Variants in SEMA5B observed in about 807,000 individuals in gnomAD.
SEMA5B encodes the protein semaphorin 5B.
Under a neutral mutation model 135.0 loss-of-function variants are expected in SEMA5B, and 66 were observed. That is an observed-to-expected ratio of 0.49 (90% CI 0.40 to 0.60). The LOEUF (loss-of-function observed/expected upper bound fraction) is 0.60, where lower values mean the gene tolerates loss of function less well. SEMA5B is among the 20% of genes least tolerant of loss of function. SEMA5B has a pLI of 0.00. For missense variants in SEMA5B, 1,501 were observed against 1,566.3 expected, an observed-to-expected ratio of 0.96 and a Z score of 0.70; for synonymous variants, 690 against 639.5, an observed-to-expected ratio of 1.08 and a Z score of -1.19.
intron 1 of SEMA5B, among the ~76,000 whole-genome samples, chr3:122,966,857 C>CTATTAT (rs1553778809): frequency 2.7e-4 from 24 of 88,196 alleles, no homozygotes; most frequent in Middle Eastern, 5.3e-3. Context: ...CACACCCGGC[C>CTATTAT]TATTACTATT....
At chr3:122,961,331 G>A in intron 1 of SEMA5B, 30 bp from the exon 2 acceptor site, 1 of 1,599,920 alleles carries the variant, frequency 6.3e-7, no homozygotes, top group Non-Finnish European at 8.5e-7. Flanking sequence ...GGTAAGTCAT[G>A]GATACATGAT....
At position 122,928,474 on chromosome 3, in the gene SEMA5B, G is replaced by A. The variant is rs113895319; in HGVS notation, c.636+43C>T. 1.9e-3 allele frequency: 2,795 copies of A among 1,473,266 alleles called. 52 individuals carry two copies. The African/African-American group carries it at 0.033, about 18-fold the overall frequency. The allele number at this position is 1,473,266 out of a possible 1,614,324, so 91.3% of individuals were successfully genotyped here. A position where few individuals can be genotyped will look rare whatever the true frequency, so the allele number is the denominator to read the frequency against. ...TGTGTGCCTAGGCAGGAGAACCCCCGGCATGGTGCCCCCTTCAGTCTCCTC... is the reference window on the plus strand; with the variant it reads ...TGTGTGCCTAGGCAGGAGAACCCCCAGCATGGTGCCCCCTTCAGTCTCCTC... On this transcript the variant is annotated intron_variant, in intron 7 of 22. Transcript: ENST00000357599.
chr3:122,962,529 C>T (rs1479971413), intron 1 of SEMA5B, among the ~76,000 whole-genome samples: 1 of 152,214 alleles, frequency 6.6e-6, no homozygotes, highest in Non-Finnish European at 1.5e-5. Context: ...GAAGAACTTC[C>T]AGGTGAACTG....
chr3:122,927,941 T>G lies in SEMA5B; in HGVS notation c.699A>C (p.Pro233=), dbSNP rs1938731328. 1 of 1,588,338 alleles carries G rather than the reference T, an allele frequency of 6.3e-7. No individual in the cohort carries two copies. The highest frequency in any genetic ancestry group is 1.7e-4 in the Middle Eastern group (1 of 5,988). Residue 233 remains proline, a synonymous_variant, in exon 8 of 23, where the codon CCA becomes CCC. Transcript: ENST00000357599. ...AGATGACAGCTGTGGAGTTGTGGCG[T>G]GGGTCATAGGGGCAGCGGGCCACAC... ...INGVARCPYD[P]RHNSTAVISS...
chr3:122,957,365 C>A (rs1013429092), intron 2 of SEMA5B, among the ~76,000 whole-genome samples: 1 of 152,238 alleles, frequency 6.6e-6, no homozygotes, highest in Non-Finnish European at 1.5e-5. Context: ...CCCAGTCCAA[C>A]TGTGGGGCTT....
intron 11 of SEMA5B, 44 bp from the exon 12 acceptor site, chr3:122,922,166 C>G (rs760053830): frequency 1.3e-6 from 2 of 1,558,962 alleles, no homozygotes; most frequent in Non-Finnish European, 1.7e-6. Context: ...TTGAAGGCCC[C>G]GGAAGCTTGC....
At chr3:123,018,123 C>T (rs886431890) in intron 1 of SEMA5B, among the ~76,000 whole-genome samples, 3 of 152,128 alleles carry the variant, frequency 2.0e-5, no homozygotes, top group African/African-American at 7.2e-5. Context: ...GCCTCAGAGC[C>T]GCAAAGACAT....
chr3:122,966,613 G>T (rs1482070235), intron 1 of SEMA5B, among the ~76,000 whole-genome samples: 2 of 150,010 alleles, frequency 1.3e-5, no homozygotes, highest in Non-Finnish European at 3.0e-5. Context: ...GGAGTGCAGT[G>T]GCGTGATCTC....
intron 1 of SEMA5B, among the ~76,000 whole-genome samples, chr3:122,972,566 C>G (rs1941166243): frequency 6.6e-6 from 1 of 152,198 alleles, no homozygotes; most frequent in African/African-American, 2.4e-5. Flanking sequence ...CTTTACTCAG[C>G]CCTTTAACCA....
At chr3:122,929,654 G>A (rs940437876) in intron 5 of SEMA5B, among the ~76,000 whole-genome samples, 1 of 152,120 alleles carries the variant, frequency 6.6e-6, no homozygotes, top group African/African-American at 2.4e-5. Flanking sequence ...GGTTATGTGT[G>A]TTCCCACAGT....
chr3:122,915,376 C>T (rs1344538971), intron 14 of SEMA5B, 64 bp downstream of exon 14: 11 of 1,510,560 alleles, frequency 7.3e-6, no homozygotes, highest in South Asian at 3.9e-5. Context: ...GAGGGGTCCC[C>T]GTTTCCCTAG....
intron 2 of SEMA5B, among the ~76,000 whole-genome samples, chr3:122,959,431 A>G (rs908690493): frequency 3.9e-5 from 6 of 152,234 alleles, no homozygotes; most frequent in Admixed American, 6.5e-5. Context: ...TGACATAGCC[A>G]TGTGGGTGGA....
At position 122,913,381 on chromosome 3, in the gene SEMA5B, C is replaced by T. The variant is rs757612977; in HGVS notation, c.2324G>A (p.Arg775His). ...CAGCCACGGCGTCCAGGGGGTGTTG[C>T]GCCGCACTTCGGGGCAGCCCTCGGG... is the stretch of plus-strand genomic sequence containing the variant. ...CNPEGCPEVR[R>H]NTPWTPWLPV... Residue 775 changes from arginine to histidine, a missense_variant, in exon 17 of 23, where the codon CGC (arginine) becomes CAC (histidine). Physicochemically the swap from Arg to His is conservative, Grantham distance 29. Coordinates refer to ENST00000357599, the MANE Select transcript of SEMA5B (RefSeq NM_001031702.4). The T allele has an allele frequency of 8.9e-6, 14 of 1,579,536 alleles. No individual in the cohort carries two copies. In the Admixed American group the frequency reaches 1.7e-4, roughly 19 times the overall value.
rs775733132 is a variant in SEMA5B, at chr3:122,943,545, G to A, written c.329-10C>T. 3.8e-6 allele frequency: 6 copies of A among 1,589,416 alleles called. No homozygotes were observed. In the East Asian group the frequency reaches 6.8e-5, roughly 18 times the overall value. On this transcript the variant is annotated splice_polypyrimidine_tract_variant and intron_variant, in intron 3 of 22. Coordinates refer to ENST00000357599, the MANE Select transcript of SEMA5B (RefSeq NM_001031702.4). ...ACCCACGGCTGCAGGTCTGGTGGAG[G>A]GAGAGGCAACCCTGTGGTTACTGTT...
Position 122,915,609 on chromosome 3 carries a change from T to C in SEMA5B, c.1819A>G (p.Thr607Ala), listed in dbSNP as rs533102933. The C allele has an allele frequency of 1.8e-5, 29 of 1,612,304 alleles. No individual in the cohort carries two copies. The East Asian group carries it at 6.2e-4, about 35-fold the overall frequency. The change falls in exon 14 of 23, where the codon ACA becomes GCA. Residue 607 changes from threonine to alanine, a missense_variant. Thr to Ala is a moderately conservative substitution (Grantham distance 58). Around this residue, in one of 2 missense-constraint regions of SEMA5B, gnomAD observed 927 missense variants for 881.6 expected, o/e 1.05. Transcript: ENST00000357599. The part of the protein sequence containing the change: ...NITACPVRNV[T>A]RDGGFGPWSP... ...CATGGGCCGAAGCCCCCATCCCGTG[T>C]CACATTCCGCACCTGAAGACACACA...
chr3:122,993,942 C>A (rs1019479911), intron 1 of SEMA5B, among the ~76,000 whole-genome samples: 2 of 152,002 alleles, frequency 1.3e-5, no homozygotes, highest in Admixed American at 6.6e-5. Context: ...GGTCATTGGC[C>A]CCCCCACCTC....
At chr3:122,968,347 CAG>C (rs1404956409) in intron 1 of SEMA5B, among the ~76,000 whole-genome samples, 2 of 152,188 alleles carry the variant, frequency 1.3e-5, no homozygotes, top group East Asian at 3.9e-4. Context: ...GGTGAAGAGA[CAG>C]AAATTCATGG....
intron 16 of SEMA5B, 30 bp downstream of exon 16, chr3:122,913,504 G>T (rs760930292): frequency 6.9e-6 from 11 of 1,599,042 alleles, no homozygotes; most frequent in Non-Finnish European, 8.5e-6. Flanking sequence ...ACCCTACACC[G>T]CGCCCCTGGC....
chr3:123,026,351 C>A (rs1942798461), intron 1 of SEMA5B, among the ~76,000 whole-genome samples: 1 of 151,932 alleles, frequency 6.6e-6, no homozygotes, highest in Admixed American at 6.6e-5. Flanking sequence ...GGGGTGCGGG[C>A]AGAATCCAGC....
Sources: gnomAD v4.1 joint callset for allele counts (sites outside exome capture counted in the v4.1 genomes callset) on GRCh38, gnomAD v4.1.1 for gene constraint, gnomAD v4.1.1 regional missense constraint, MANE v1.5 for transcripts, NCBI Gene and HGNC (gene_info 2026-07-23, HGNC 2026-07-21) for gene names.